The following CAPN8 variants were observed in gnomAD, a reference collection of about 807,000 sequenced individuals.
The protein encoded by CAPN8 is calpain-8.
CAPN8 carries 87 observed loss-of-function variants against 80.9 expected under a neutral mutation model. The ratio of observed to expected loss-of-function variants is 1.07; its 90% CI spans 0.90 to 1.28. The LOEUF (loss-of-function observed/expected upper bound fraction) is 1.28, where lower values mean the gene tolerates loss of function less well. CAPN8 is among the 50% of genes most tolerant of loss of function. The pLI, the probability that CAPN8 is intolerant of heterozygous loss-of-function variation, is 0.00. For synonymous variants in CAPN8, 299 were observed against 273.8 expected (o/e 1.09, Z -0.91); for missense variants, 757 against 702.0 (o/e 1.08, Z -0.89).
chr1:223,645,758 C>T (rs1658174267), intron 2 of CAPN8, among the ~76,000 whole-genome samples: 2 of 152,146 alleles, frequency 1.3e-5, no homozygotes, highest in African/African-American at 2.4e-5. Flanking sequence ...ACCAAAGTAA[C>T]AAGGTACTGG....
chr1:223,642,872 C>T, intron 2 of CAPN8: 1 of 454,934 alleles, frequency 2.2e-6, no homozygotes, highest in South Asian at 1.6e-5. Flanking sequence ...TGGCATGAAA[C>T]AGCTTCAGGA....
chr1:223,632,557 C>A (rs1657803404), intron 2 of CAPN8, among the ~76,000 whole-genome samples: 1 of 151,890 alleles, frequency 6.6e-6, no homozygotes, highest in Non-Finnish European at 1.5e-5. Flanking sequence ...AAATACAGAG[C>A]TGGGGTCTCA....
intron 9 of CAPN8, chr1:223,617,625 C>T (rs1657239459): frequency 6.6e-6 from 1 of 152,202 alleles, no homozygotes; most frequent in Non-Finnish European, 1.5e-5. Context: ...TTAATTTCTC[C>T]CAAATGCAAC....
rs1369555133 is a variant in CAPN8 at position 223,545,288 on chromosome 1, C to G, written c.1776G>C (p.Thr592=). ...TGAATTCCACCGCCCCCAAAGTGCC[C>G]GTTCCATTGCTCTAGGCACATTAAA... ...EMISLLDSNG[T]GTLGAVEFKT... The change falls in exon 17 of 21, where the codon ACG becomes ACC. Residue 592 remains threonine (T), a synonymous_variant. Transcript: ENST00000366872. The G allele has an allele frequency of 1.9e-6, 3 of 1,551,598 alleles. No individual in the cohort carries two copies. Among genetic ancestry groups the G allele is most frequent in the East Asian group, 2.4e-5 (1 of 40,920 alleles).
In CAPN8 at chr1:223,628,647, A is replaced by G. The variant is rs890323486; in HGVS notation, c.426+15T>C. 2.6e-6 allele frequency: 4 copies of G among 1,536,804 alleles called. No individual in the cohort carries two copies. Among genetic ancestry groups the G allele is most frequent in the Non-Finnish European group, 3.5e-6 (4 of 1,133,670 alleles). The stretch of plus-strand genomic sequence containing the variant: ...ACGGAAAACAGCAACAAAGGGCCAG[A>G]GCAGAGCACAGTACCTGAAAGTGAA... On this transcript the variant is annotated intron_variant, in intron 3 of 20. Coordinates refer to ENST00000366872, the MANE Select transcript of CAPN8 (RefSeq NM_001143962.2).
Position 223,544,166 on chromosome 1 carries a change from G to A in CAPN8, c.1930C>T (p.Gln644Ter). The change falls in exon 19 of 21, where the codon CAG becomes TAG. Residue 644 changes from glutamine (Q) to a stop codon, truncating the protein, a stop_gained. Coordinates refer to ENST00000366872, the MANE Select transcript of CAPN8 (RefSeq NM_001143962.2). LOFTEE classifies it high-confidence loss of function. ...CGCAGGGCAATGGTCTGCTGCACCT[G>A]GCTGTTGAGGGTGAAACCTGAGGGC... The part of the protein sequence containing the change: ...LRKAGFTLNS[Q>*]VQQTIALRYA... The A allele has an allele frequency of 2.8e-6, 2 of 718,156 alleles. No homozygotes were observed. Among genetic ancestry groups the A allele is most frequent in the South Asian group, 3.0e-5 (2 of 67,604 alleles). 44.5% of individuals were successfully genotyped at this position (718,156 alleles called of 1,614,324 possible). A position where few individuals can be genotyped will look rare whatever the true frequency, so the allele number is the denominator to read the frequency against.
At chr1:223,661,456 C>T (rs925157308) in intron 1 of CAPN8, among the ~76,000 whole-genome samples, 2 of 152,144 alleles carry the variant, frequency 1.3e-5, no homozygotes, top group African/African-American at 4.8e-5. Flanking sequence ...ATGGCAAAAC[C>T]CTGTCTCTAC....
chr1:223,550,590 T>C (rs949186339), intron 15 of CAPN8, among the ~76,000 whole-genome samples: 6 of 152,208 alleles, frequency 3.9e-5, no homozygotes, highest in African/African-American at 1.4e-4. Context: ...AGATCTTTCA[T>C]CTGCAGAGGT....
At chr1:223,643,957 T>G (rs971495342) in intron 2 of CAPN8, among the ~76,000 whole-genome samples, 1 of 151,498 alleles carries the variant, frequency 6.6e-6, no homozygotes, top group Non-Finnish European at 1.5e-5. Context: ...TAAAAAAAAT[T>G]TTTTTAATAC....
intron 1 of CAPN8, among the ~76,000 whole-genome samples, chr1:223,661,568 T>C (rs1439818718): frequency 1.3e-5 from 2 of 152,072 alleles, no homozygotes; most frequent in Admixed American, 6.6e-5. Context: ...GGGCAGAGGT[T>C]ACAGTGAGCC....
At chr1:223,546,646 G>A (rs1656629342) in intron 16 of CAPN8, among the ~76,000 whole-genome samples, 1 of 152,126 alleles carries the variant, frequency 6.6e-6, no homozygotes. Flanking sequence ...CCTAACAATA[G>A]CCACACAAGC....
chr1:223,625,130 A>G (rs1285153108), intron 6 of CAPN8, among the ~76,000 whole-genome samples: 1 of 152,172 alleles, frequency 6.6e-6, no homozygotes, highest in African/African-American at 2.4e-5. Flanking sequence ...AATAATGACT[A>G]GTATAGCCCA....
chr1:223,612,338 T>G, intron 10 of CAPN8, 81 bp from the exon 11 acceptor site: 1 of 1,202,506 alleles, frequency 8.3e-7, no homozygotes, highest in Non-Finnish European at 1.0e-6. Flanking sequence ...CCCTATGTCT[T>G]GCAAACAGAC....
At chr1:223,643,434 G>A (rs1658098853) in intron 2 of CAPN8, among the ~76,000 whole-genome samples, 1 of 152,216 alleles carries the variant, frequency 6.6e-6, no homozygotes, top group Non-Finnish European at 1.5e-5. Context: ...CTGACATGAG[G>A]TGAACTGAAC....
intron 4 of CAPN8, 125 bp downstream of exon 4, chr1:223,627,884 G>T (rs1173346054): frequency 3.5e-6 from 4 of 1,127,854 alleles, no homozygotes; most frequent in East Asian, 5.3e-5. Flanking sequence ...GCTCATGGGG[G>T]TCTGGATGCT....
intron 9 of CAPN8, among the ~76,000 whole-genome samples, chr1:223,618,639 G>A (rs1359091598): frequency 4.6e-5 from 7 of 152,246 alleles, no homozygotes; most frequent in Non-Finnish European, 7.3e-5. Flanking sequence ...GGGGAGGAAG[G>A]GGCAAAAGCC....
At chr1:223,619,758 G>C (rs748780109) in intron 8 of CAPN8, among the ~76,000 whole-genome samples, 1 of 152,192 alleles carries the variant, frequency 6.6e-6, no homozygotes, top group Non-Finnish European at 1.5e-5. Context: ...CTCTAGATTG[G>C]GTTAAGTCTA....
chr1:223,551,493 T>C (rs1240095306), intron 14 of CAPN8, among the ~76,000 whole-genome samples: 1 of 152,218 alleles, frequency 6.6e-6, no homozygotes, highest in Admixed American at 6.5e-5. Context: ...AATTATCCTC[T>C]TCTTTTGGGG....
At chr1:223,548,983 T>C (rs1267654874) in intron 16 of CAPN8, among the ~76,000 whole-genome samples, 1 of 151,668 alleles carries the variant, frequency 6.6e-6, no homozygotes, top group East Asian at 1.9e-4. Flanking sequence ...AGGAGGAAGA[T>C]GAAGAGATGA....
Sources: allele counts gnomAD v4.1 joint callset (sites outside exome capture counted in the v4.1 genomes callset), GRCh38; gene constraint gnomAD v4.1.1; transcripts MANE v1.5; gene names NCBI Gene and HGNC (gene_info 2026-07-23, HGNC 2026-07-21).